The following CNTN5 variants were observed in gnomAD, a reference collection of about 807,000 sequenced individuals.
CNTN5 encodes contactin-5.
CNTN5 carries 77 observed loss-of-function variants against 129.1 expected under a neutral mutation model. The observed-to-expected ratio is 0.60, with a 90% CI of 0.50 to 0.72. CNTN5 has a LOEUF of 0.72. Among genes scored for constraint, CNTN5 ranks in the 30% least tolerant of loss-of-function variants. The pLI is 0.00. For synonymous variants in CNTN5, 509 were observed against 465.6 expected, an observed-to-expected ratio of 1.09 and a Z score of -1.20; for missense variants, 1,478 against 1,328.8, an observed-to-expected ratio of 1.11 and a Z score of -1.75.
intron 1 of CNTN5, among the ~76,000 whole-genome samples, chr11:99,113,270 A>C (rs1299389141): frequency 6.6e-6 from 1 of 151,952 alleles, no homozygotes; most frequent in Non-Finnish European, 1.5e-5. Context: ...CGCACTTATC[A>C]CCCCTTAATT....
intron 1 of CNTN5, among the ~76,000 whole-genome samples, chr11:99,194,069 A>C (rs2135599486): frequency 6.6e-6 from 1 of 152,318 alleles, no homozygotes; most frequent in Non-Finnish European, 1.5e-5. Flanking sequence ...TTTTAAAATA[A>C]GATACTTCTT....
chr11:99,097,659 A>C (rs1866538132), intron 1 of CNTN5, among the ~76,000 whole-genome samples: 1 of 151,914 alleles, frequency 6.6e-6, no homozygotes, highest in Admixed American at 6.6e-5. Context: ...AAACCTTTAT[A>C]TCTATTTTTG....
At chr11:99,252,593 TCA>T (rs979239823) in intron 1 of CNTN5, among the ~76,000 whole-genome samples, 44 of 152,034 alleles carry the variant, frequency 2.9e-4, no homozygotes, top group African/African-American at 1.0e-3. Flanking sequence ...ACCTATCATC[TCA>T]CAAACGCTTG....
In CNTN5 at chr11:100,143,525, T is replaced by A. The variant is rs191928656; in HGVS notation, c.1581-47601T>A. The stretch of plus-strand genomic sequence containing the variant: ...TGGGTCAGATTTTAAAGACTCCACC[T>A]GTGCAGGTCTGCAGTCACTCCTGGA... On this transcript the variant is annotated intron_variant, in intron 13 of 24. Coordinates refer to ENST00000524871, the MANE Select transcript of CNTN5 (RefSeq NM_014361.4). Among the ~76,000 whole-genome samples, 20 of 152,216 alleles carry A rather than the reference T, an allele frequency of 1.3e-4. No homozygotes were observed. In the East Asian group the frequency reaches 3.7e-3, roughly 28 times the overall value.
At chr11:100,038,765 G>GTT (rs1206874497) in intron 9 of CNTN5, among the ~76,000 whole-genome samples, 1 of 152,018 alleles carries the variant, frequency 6.6e-6, no homozygotes, top group African/African-American at 2.4e-5. Context: ...TTTAAAGTCT[G>GTT]TTTTATCAGA....
intron 3 of CNTN5, among the ~76,000 whole-genome samples, chr11:99,787,009 C>T (rs903954904): frequency 8.6e-5 from 13 of 151,720 alleles, no homozygotes; most frequent in South Asian, 4.2e-4. Context: ...TTTTCTGATT[C>T]GGTGATTATT....
intron 2 of CNTN5, among the ~76,000 whole-genome samples, chr11:99,383,895 T>G (rs1469848052): frequency 6.6e-6 from 1 of 152,186 alleles, no homozygotes; most frequent in African/African-American, 2.4e-5. Context: ...CTGCCATGGT[T>G]GATGCACTCA....
intron 9 of CNTN5, among the ~76,000 whole-genome samples, chr11:100,016,921 C>T (rs914429227): frequency 1.3e-5 from 2 of 151,394 alleles, no homozygotes; most frequent in African/African-American, 4.8e-5. Context: ...CATGTCAAAG[C>T]TTTATAAGGA....
At chr11:99,733,368 T>A (rs1458464852) in intron 3 of CNTN5, among the ~76,000 whole-genome samples, 1 of 137,518 alleles carries the variant, frequency 7.3e-6, no homozygotes, top group Non-Finnish European at 1.6e-5. Flanking sequence ...CTGGGGCGCC[T>A]CCTGCTGGTT....
chr11:99,443,201 C>T (rs1662821745), intron 2 of CNTN5, among the ~76,000 whole-genome samples: 1 of 152,112 alleles, frequency 6.6e-6, no homozygotes, highest in African/African-American at 2.4e-5. Context: ...CTGGATCTAC[C>T]TATCAAAATG....
chr11:100,337,157 T>G (rs918852930), intron 21 of CNTN5: 3 of 1,432,288 alleles, frequency 2.1e-6, no homozygotes, highest in Non-Finnish European at 2.0e-6. Context: ...GCTGCACCCA[T>G]GAATGTTCAC....
chr11:100,223,142 C>T (rs1486120035), intron 15 of CNTN5, among the ~76,000 whole-genome samples: 1 of 152,118 alleles, frequency 6.6e-6, no homozygotes, highest in Non-Finnish European at 1.5e-5. Flanking sequence ...AGGACATTTA[C>T]TGGACAAATA....
chr11:99,956,809 T>TACC lies in CNTN5; in HGVS notation c.677_678insACC (p.Ile226_Ile227insPro). The TACC allele has an allele frequency of 6.2e-7, 1 of 1,613,214 alleles. No homozygotes were observed. The highest frequency in any genetic ancestry group is 8.5e-7 in the Non-Finnish European group (1 of 1,179,474). ...ACCAAATTTTGTGTATTTTCAGAGA[T>TACC]CATCTATAGCTGGGTATTTAATGAG... On this transcript the variant is annotated inframe_insertion, in exon 8 of 25. Coordinates refer to ENST00000524871, the MANE Select transcript of CNTN5 (RefSeq NM_014361.4).
At chr11:99,543,638 C>A (rs187094602) in intron 2 of CNTN5, among the ~76,000 whole-genome samples, 83 of 152,162 alleles carry the variant, frequency 5.5e-4, no homozygotes, top group African/African-American at 1.8e-3. Context: ...AGAAATTAGG[C>A]CGGGTGCGGT....
intron 3 of CNTN5, among the ~76,000 whole-genome samples, chr11:99,701,620 G>T (rs752338722): frequency 2.5e-4 from 38 of 150,976 alleles, no homozygotes; most frequent in Non-Finnish European, 4.5e-4. Context: ...AAAAAATGAA[G>T]TCATAGTTCC....
At chr11:99,934,337 G>A (rs1022745991) in intron 7 of CNTN5, among the ~76,000 whole-genome samples, 1 of 152,110 alleles carries the variant, frequency 6.6e-6, no homozygotes. Flanking sequence ...CTAGACAGAA[G>A]CATTAGAAAT....
At chr11:99,872,812 A>G (rs1948536793) in intron 6 of CNTN5, among the ~76,000 whole-genome samples, 1 of 152,144 alleles carries the variant, frequency 6.6e-6, no homozygotes, top group Non-Finnish European at 1.5e-5. Context: ...TATGTCTGAC[A>G]TACTGTCCTT....
At chr11:100,086,533 G>GAT (rs71305311) in intron 13 of CNTN5, among the ~76,000 whole-genome samples, 32,013 of 149,464 alleles carry the variant, frequency 0.21, 4,129 homozygotes, top group African/African-American at 0.37. Context: ...AAAACAGAGG[G>GAT]ATATATATAT....
At chr11:100,170,937 C>T (rs894172441) in intron 13 of CNTN5, among the ~76,000 whole-genome samples, 5 of 151,404 alleles carry the variant, frequency 3.3e-5, no homozygotes, top group Non-Finnish European at 7.4e-5. Flanking sequence ...GTGAAATGTG[C>T]TAGAAATCTT....
Sources: allele counts gnomAD v4.1 joint callset (sites outside exome capture counted in the v4.1 genomes callset), GRCh38; gene constraint gnomAD v4.1.1; transcripts MANE v1.5; gene names NCBI Gene and HGNC (gene_info 2026-07-23, HGNC 2026-07-21).